ANKRD30A: variants seen among roughly 807,000 people sequenced by gnomAD.
ANKRD30A encodes ankyrin repeat domain-containing protein 30A.
ANKRD30A carries 170 observed loss-of-function variants against 166.3 expected under a neutral mutation model. The ratio of observed to expected loss-of-function variants is 1.02; its 90% CI spans 0.90 to 1.16. The LOEUF (loss-of-function observed/expected upper bound fraction) is 1.16. Ranked by LOEUF, ANKRD30A falls within the 50% of genes most tolerant of loss-of-function variation. The pLI is 0.00. For missense variants in ANKRD30A, 1,630 were observed against 1,518.0 expected (o/e 1.07, Z -1.23); for synonymous variants, 564 against 508.9 (o/e 1.11, Z -1.46).
chr10:37,165,395 G>A (rs1444413132), intron 18 of ANKRD30A, among the ~76,000 whole-genome samples: 3 of 152,204 alleles, frequency 2.0e-5, no homozygotes, highest in Admixed American at 1.3e-4. Flanking sequence ...AAAAACTAAG[G>A]CTTAGAATTC....
chr10:37,224,954 A>G (rs1392832267), intron 34 of ANKRD30A, among the ~76,000 whole-genome samples: 3 of 151,578 alleles, frequency 2.0e-5, no homozygotes, highest in African/African-American at 7.3e-5. Flanking sequence ...TAAAAAATGT[A>G]TTGTGTCTTT....
chr10:37,126,972 G>A (rs1317472562), intron 1 of ANKRD30A, among the ~76,000 whole-genome samples: 1 of 141,308 alleles, frequency 7.1e-6, no homozygotes, highest in Non-Finnish European at 1.5e-5. Context: ...GCTTGAACCC[G>A]GTAGGCGGAG....
chr10:37,130,421 T>G, intron 3 of ANKRD30A, 43 bp downstream of exon 3: 1 of 1,395,068 alleles, frequency 7.2e-7, no homozygotes, highest in Non-Finnish European at 9.4e-7. Context: ...TTGAAATCCA[T>G]TTGTTTTAAC....
the ANKRD30A span, among the ~76,000 whole-genome samples, chr10:37,242,920 A>G: frequency 7.2e-5 from 11 of 152,308 alleles, no homozygotes; most frequent in South Asian, 2.1e-3. Context: ...TTAATGCTGC[A>G]TTTTTATGCT....
chr10:37,197,171 C>T (rs994270987), intron 27 of ANKRD30A, 110 bp from the exon 28 acceptor site: 5 of 1,441,490 alleles, frequency 3.5e-6, no homozygotes, highest in Admixed American at 1.7e-5. Context: ...CTAAAGTATT[C>T]ATTCTCCAAT....
chr10:37,240,888 G>GT, the ANKRD30A span: 2 of 152,120 alleles, frequency 1.3e-5, no homozygotes, highest in Admixed American at 6.6e-5. Flanking sequence ...CCAAGGAGCG[G>GT]ATTATCTCAT....
chr10:37,201,665 A>T (rs1390991023), intron 31 of ANKRD30A, among the ~76,000 whole-genome samples: 1 of 152,130 alleles, frequency 6.6e-6, no homozygotes. Context: ...TCAGGTTTAT[A>T]TAATGGAGGA....
At chr10:37,230,264 T>A (rs756161089) in intron 34 of ANKRD30A, among the ~76,000 whole-genome samples, 5 of 152,006 alleles carry the variant, frequency 3.3e-5, no homozygotes, top group Admixed American at 2.0e-4. Flanking sequence ...AGAAAGTAAA[T>A]TAAGCTCATT....
intron 34 of ANKRD30A, among the ~76,000 whole-genome samples, chr10:37,227,846 CTG>C (rs1564599084): frequency 6.6e-6 from 1 of 152,008 alleles, no homozygotes; most frequent in Non-Finnish European, 1.5e-5. Flanking sequence ...GTACAATCAT[CTG>C]TAGATGTTAT....
chr10:37,260,671 A>G, the ANKRD30A span, among the ~76,000 whole-genome samples: 1 of 152,198 alleles, frequency 6.6e-6, no homozygotes, highest in Non-Finnish European at 1.5e-5. Context: ...TCGATTCTTC[A>G]ACAAGCAAAT....
rs1022532391 is a variant in ANKRD30A, at chr10:37,151,913, G to T, written c.1646-147G>T. The T allele has an allele frequency of 1.3e-5, 8 of 612,802 alleles. No individual in the cohort carries two copies. In the African/African-American group the frequency reaches 1.5e-4, roughly 12 times the overall value. 38.0% of individuals were successfully genotyped at this position (612,802 alleles called of 1,614,324 possible). The stretch of plus-strand genomic sequence containing the variant: ...TTTCAATTCTAATGGAATGACTATA[G>T]AAGTAGTTATTGTAATCGACAAAAA... On this transcript the variant is annotated intron_variant, in intron 11 of 35. Coordinates refer to ENST00000361713, the MANE Select transcript of ANKRD30A (RefSeq NM_052997.3).
intron 21 of ANKRD30A, among the ~76,000 whole-genome samples, chr10:37,172,528 GT>G (rs143038047): frequency 3.6e-5 from 4 of 111,708 alleles, no homozygotes; most frequent in African/African-American, 1.0e-4. Flanking sequence ...AGAGTTAGAG[GT>G]TTTTTTTTAA....
the ANKRD30A span, among the ~76,000 whole-genome samples, chr10:37,244,399 CT>C: frequency 6.6e-6 from 1 of 152,188 alleles, no homozygotes; most frequent in Non-Finnish European, 1.5e-5. Flanking sequence ...AGAAGAGTCC[CT>C]GAAGAAACCC....
chr10:37,155,346 C>T (rs1004838739), intron 13 of ANKRD30A, among the ~76,000 whole-genome samples: 1 of 152,076 alleles, frequency 6.6e-6, no homozygotes, highest in Non-Finnish European at 1.5e-5. Flanking sequence ...ACTATTATAG[C>T]ATATGGTTAT....
rs183311479 is a variant in ANKRD30A at position 37,216,111 on chromosome 10, G to T, written c.2870-70G>T. 1.0e-4 allele frequency: 117 copies of T among 1,130,872 alleles called. No individual in the cohort carries two copies. In the East Asian group the frequency reaches 2.9e-3, roughly 28 times the overall value. 70.1% of individuals were successfully genotyped at this position (1,130,872 alleles called of 1,614,324 possible). A position where few individuals can be genotyped will look rare whatever the true frequency, so the allele number is the denominator to read the frequency against. On this transcript the variant is annotated intron_variant, in intron 31 of 35. Transcript: ENST00000361713. The stretch of plus-strand genomic sequence containing the variant: ...ATATTTGTTCAGTGTATAAGTGATT[G>T]TTAAAATATGCAGCCCTTTATATCC...
At chr10:37,203,332 T>A (rs1035644610) in intron 31 of ANKRD30A, among the ~76,000 whole-genome samples, 1 of 152,186 alleles carries the variant, frequency 6.6e-6, no homozygotes. Flanking sequence ...TGGTTCAAGA[T>A]ATGCAAATCA....
chr10:37,236,037 G>A (rs2132775128), downstream of ANKRD30A, among the ~76,000 whole-genome samples: 1 of 152,074 alleles, frequency 6.6e-6, no homozygotes, highest in African/African-American at 2.4e-5. Context: ...CAAAGTGCCG[G>A]GATTACAGGC....
chr10:37,156,891 C>G (rs1838422909), intron 13 of ANKRD30A, among the ~76,000 whole-genome samples: 1 of 152,112 alleles, frequency 6.6e-6, no homozygotes, highest in South Asian at 2.1e-4. Flanking sequence ...AACACACATA[C>G]ATGCAATATG....
chr10:37,167,287 A>AATATATATATAT (rs61480898), intron 19 of ANKRD30A, among the ~76,000 whole-genome samples: 33 of 126,622 alleles, frequency 2.6e-4, no homozygotes, highest in African/African-American at 7.7e-4. Context: ...TGAGGCGTCA[A>AATATATATATAT]ATATATATAT....
Sources: gnomAD v4.1 joint callset for allele counts (sites outside exome capture counted in the v4.1 genomes callset) on GRCh38, gnomAD v4.1.1 for gene constraint, MANE v1.5 for transcripts, NCBI Gene and HGNC (gene_info 2026-07-23, HGNC 2026-07-21) for gene names.